The following MSRA variants were observed in gnomAD, a reference collection of about 807,000 sequenced individuals.
MSRA encodes the protein methionine sulfoxide reductase A.
A neutral mutation model predicts 31.3 loss-of-function variants in MSRA; 54 were observed. The observed-to-expected ratio is 1.73, with a 90% CI of 1.39 to 2.17. The LOEUF (loss-of-function observed/expected upper bound fraction) is 2.17, where lower values mean the gene tolerates loss of function less well. MSRA is among the 30% of genes most tolerant of loss of function. The probability of loss-of-function intolerance (pLI) is 0.00; values close to 1 mark genes in which losing one functional copy is unlikely to be tolerated. For synonymous variants in MSRA, 169 were observed against 116.5 expected, an observed-to-expected ratio of 1.45 and a Z score of -2.90; for missense variants, 507 against 300.9, an observed-to-expected ratio of 1.69 and a Z score of -5.07.
intron 3 of MSRA, among the ~76,000 whole-genome samples, chr8:10,293,044 C>T (rs78270052): frequency 0.059 from 8,969 of 152,204 alleles, 863 homozygotes; most frequent in East Asian, 0.49. Flanking sequence ...GGGTTGTCTC[C>T]GTCCCTCGTG....
At chr8:10,379,808 G>C (rs1262668870) in intron 5 of MSRA, among the ~76,000 whole-genome samples, 1 of 152,186 alleles carries the variant, frequency 6.6e-6, no homozygotes, top group Non-Finnish European at 1.5e-5. Flanking sequence ...CAGTCTGCAG[G>C]CGTGCTCCAT....
intron 1 of MSRA, among the ~76,000 whole-genome samples, chr8:10,127,734 G>A (rs1197714404): frequency 6.6e-6 from 1 of 152,224 alleles, no homozygotes; most frequent in Non-Finnish European, 1.5e-5. Flanking sequence ...AATTCAAATG[G>A]TTGTGGTTAA....
intron 4 of MSRA, among the ~76,000 whole-genome samples, chr8:10,305,294 G>A (rs1371365190): frequency 6.6e-6 from 1 of 152,060 alleles, no homozygotes. Flanking sequence ...GATCTTCATG[G>A]CATAGGCTAA....
chr8:10,278,136 T>C (rs1799423050), intron 3 of MSRA, among the ~76,000 whole-genome samples: 1 of 152,174 alleles, frequency 6.6e-6, no homozygotes, highest in African/African-American at 2.4e-5. Flanking sequence ...TCAGAAATGA[T>C]TTGTGGTGGT....
chr8:10,069,485 C>A (rs1347644984), intron 1 of MSRA, among the ~76,000 whole-genome samples: 4 of 152,220 alleles, frequency 2.6e-5, no homozygotes, highest in Non-Finnish European at 5.9e-5. Flanking sequence ...TATTTTCTCA[C>A]AGCTCCGGAG....
intron 1 of MSRA, among the ~76,000 whole-genome samples, chr8:10,142,184 C>G (rs1340503636): frequency 6.6e-6 from 1 of 152,118 alleles, no homozygotes; most frequent in East Asian, 1.9e-4. Context: ...TCTGCAACTC[C>G]CGACCTCAGG....
chr8:10,386,560 A>G (rs1371569210), intron 5 of MSRA, among the ~76,000 whole-genome samples: 1 of 152,190 alleles, frequency 6.6e-6, no homozygotes, highest in Admixed American at 6.5e-5. Flanking sequence ...GTGGTTCTCA[A>G]ACTTCAGCAT....
intron 1 of MSRA, among the ~76,000 whole-genome samples, chr8:10,154,159 G>T (rs1051708946): frequency 6.6e-6 from 1 of 152,216 alleles, no homozygotes; most frequent in South Asian, 2.1e-4. Flanking sequence ...GCCTGATCTT[G>T]TTGAGGGATG....
chr8:10,230,689 C>T (rs1240280898), intron 2 of MSRA, among the ~76,000 whole-genome samples: 1 of 152,092 alleles, frequency 6.6e-6, no homozygotes, highest in Non-Finnish European at 1.5e-5. Flanking sequence ...AACTGAAGAG[C>T]AAAAAGAAGA....
chr8:10,231,033 A>G (rs185204936), intron 2 of MSRA, among the ~76,000 whole-genome samples: 228 of 152,172 alleles, frequency 1.5e-3, no homozygotes, highest in African/African-American at 5.3e-3. Flanking sequence ...GATTCCCCCC[A>G]CCTTGGCCTC....
intron 1 of MSRA, among the ~76,000 whole-genome samples, chr8:10,184,520 A>G (rs568641736): frequency 5.3e-5 from 8 of 151,980 alleles, no homozygotes; most frequent in African/African-American, 1.9e-4. Flanking sequence ...CTTGATTTAC[A>G]TTGGATTCTA....
rs577509587 is a variant in MSRA, at chr8:10,090,920, A to G, written c.142+36262A>G. ...CCAATGTGTAGCCCAACAACATTGT[A>G]TCCGTTCATCAGCTGCTGAACATGG... On this transcript the variant is annotated intron_variant, in intron 1 of 5. Coordinates refer to ENST00000317173, the MANE Select transcript of MSRA (RefSeq NM_012331.5). Among the ~76,000 whole-genome samples the G allele has an allele frequency of 2.6e-5, 4 of 152,224 alleles. No homozygotes were observed. The South Asian group carries it at 8.3e-4, about 32-fold the overall frequency.
chr8:10,154,374 C>G (rs1469342864), intron 1 of MSRA, among the ~76,000 whole-genome samples: 1 of 149,758 alleles, frequency 6.7e-6, no homozygotes, highest in Non-Finnish European at 1.5e-5. Context: ...TTTTTTTTTT[C>G]TTTTCTTTCT....
At chr8:10,185,704 CT>C (rs903207251) in intron 1 of MSRA, among the ~76,000 whole-genome samples, 1 of 152,148 alleles carries the variant, frequency 6.6e-6, no homozygotes, top group Non-Finnish European at 1.5e-5. Context: ...TACTGTGACG[CT>C]TTTTGTGGAA....
chr8:10,158,235 CAA>C (rs1021914662), intron 1 of MSRA, among the ~76,000 whole-genome samples: 16 of 152,332 alleles, frequency 1.1e-4, no homozygotes, highest in African/African-American at 3.4e-4. Context: ...ATCTGGACTT[CAA>C]GAGGACGTAA....
At chr8:10,069,826 TCTCTA>T (rs1797642804) in intron 1 of MSRA, among the ~76,000 whole-genome samples, 1 of 152,240 alleles carries the variant, frequency 6.6e-6, no homozygotes, top group Non-Finnish European at 1.5e-5. Context: ...TTAAAGAAGT[TCTCTA>T]CTCTTAGTCT....
chr8:10,267,164 G>C (rs895239148), intron 3 of MSRA, among the ~76,000 whole-genome samples: 3 of 152,162 alleles, frequency 2.0e-5, no homozygotes, highest in African/African-American at 7.2e-5. Context: ...ACCCGCTCCC[G>C]GTTGTAGTAA....
chr8:10,091,583 G>A (rs1798854381), intron 1 of MSRA, among the ~76,000 whole-genome samples: 1 of 151,344 alleles, frequency 6.6e-6, no homozygotes, highest in Non-Finnish European at 1.5e-5. Flanking sequence ...ATGCTCAGAA[G>A]TGAGATTGCT....
At chr8:10,097,744 A>C (rs577473751) in intron 1 of MSRA, among the ~76,000 whole-genome samples, 6 of 152,146 alleles carry the variant, frequency 3.9e-5, no homozygotes, top group African/African-American at 1.4e-4. Context: ...AAACTATTTC[A>C]TGTCCAATTA....
Sources: allele counts gnomAD v4.1 joint callset (sites outside exome capture counted in the v4.1 genomes callset), GRCh38; gene constraint gnomAD v4.1.1; transcripts MANE v1.5; gene names NCBI Gene and HGNC (gene_info 2026-07-23, HGNC 2026-07-21).